The following PBX3 variants were observed in gnomAD, a reference collection of about 807,000 sequenced individuals.
PBX3 encodes PBX homeobox 3.
Under a neutral mutation model 48.5 loss-of-function variants are expected in PBX3, and 14 were observed. The ratio of observed to expected loss-of-function variants is 0.29; its 90% CI spans 0.19 to 0.45. The LOEUF is 0.45. Ranked by LOEUF, PBX3 falls within the 20% of genes least tolerant of loss-of-function variation. The pLI, the probability that PBX3 is intolerant of heterozygous loss-of-function variation, is 1.00. For missense variants in PBX3, 386 were observed against 546.7 expected, an observed-to-expected ratio of 0.71 and a Z score of 2.93; for synonymous variants, 210 against 200.3, an observed-to-expected ratio of 1.05 and a Z score of -0.41.
At chr9:125,803,844 G>A (rs1303699475) in intron 2 of PBX3, among the ~76,000 whole-genome samples, 1 of 152,196 alleles carries the variant, frequency 6.6e-6, no homozygotes, top group Non-Finnish European at 1.5e-5. Context: ...TGACCTTAGA[G>A]TGTAGTCTTA....
intron 2 of PBX3, among the ~76,000 whole-genome samples, chr9:125,768,201 G>C (rs1331626305): frequency 6.6e-6 from 1 of 152,108 alleles, no homozygotes; most frequent in Non-Finnish European, 1.5e-5. Context: ...TTTAATTTCT[G>C]CTATGTGATA....
intron 2 of PBX3, among the ~76,000 whole-genome samples, chr9:125,866,610 A>G (rs1839987493): frequency 6.6e-6 from 1 of 152,232 alleles, no homozygotes; most frequent in Non-Finnish European, 1.5e-5. Context: ...GGAATGAGAA[A>G]GGACCAGAGG....
rs556305229 is a variant in PBX3 at position 125,907,766 on chromosome 9, T to C, written c.275-7920T>C. On this transcript the variant is annotated intron_variant, in intron 2 of 8. Transcript: ENST00000373489. ...AATCCAGTATTATAACTTATTTCTC[T>C]AGGTATCTGAGGTGTAGTGGAATTA... Among the ~76,000 whole-genome samples the C allele has an allele frequency of 2.6e-5, 4 of 152,242 alleles. No homozygotes were observed. In the East Asian group the frequency reaches 7.7e-4, roughly 29 times the overall value.
intron 6 of PBX3, among the ~76,000 whole-genome samples, chr9:125,961,407 G>T (rs1301330872): frequency 6.6e-6 from 1 of 152,182 alleles, no homozygotes; most frequent in Admixed American, 6.5e-5. Flanking sequence ...TCCTCGTCCG[G>T]TACATTTTGG....
chr9:125,776,329 T>G (rs1047918106), intron 2 of PBX3, among the ~76,000 whole-genome samples: 1 of 152,226 alleles, frequency 6.6e-6, no homozygotes, highest in Non-Finnish European at 1.5e-5. Context: ...CAAATAGTTT[T>G]TTTTTTCATC....
At chr9:125,913,711 G>A (rs1755866066) in intron 2 of PBX3, among the ~76,000 whole-genome samples, 1 of 152,052 alleles carries the variant, frequency 6.6e-6, no homozygotes, top group Admixed American at 6.6e-5. Context: ...AAAGATTAAT[G>A]TGTTTAACTA....
At chr9:125,758,115 G>A (rs974056448) in intron 2 of PBX3, among the ~76,000 whole-genome samples, 2 of 152,142 alleles carry the variant, frequency 1.3e-5, no homozygotes, top group Admixed American at 1.3e-4. Flanking sequence ...ATCAAGTAGA[G>A]ATACTGAATG....
At chr9:125,949,689 C>T (rs776634090) in intron 5 of PBX3, among the ~76,000 whole-genome samples, 26 of 152,166 alleles carry the variant, frequency 1.7e-4, no homozygotes, top group Non-Finnish European at 3.1e-4. Context: ...GAAAAGAAGA[C>T]TGCAGTGGGT....
intron 2 of PBX3, among the ~76,000 whole-genome samples, chr9:125,876,118 C>T (rs988506552): frequency 6.6e-6 from 1 of 152,172 alleles, no homozygotes; most frequent in Non-Finnish European, 1.5e-5. Flanking sequence ...TGTTTTATGG[C>T]TCCCCTTTAA....
chr9:125,813,175 C>T (rs1426969838), intron 2 of PBX3, among the ~76,000 whole-genome samples: 1 of 151,650 alleles, frequency 6.6e-6, no homozygotes, highest in Non-Finnish European at 1.5e-5. Flanking sequence ...ACACATTGTA[C>T]AGCTTTACAG....
intron 2 of PBX3, among the ~76,000 whole-genome samples, chr9:125,892,265 C>G (rs184591022): frequency 5.3e-5 from 8 of 152,174 alleles, no homozygotes; most frequent in African/African-American, 1.9e-4. Flanking sequence ...AACTATGGCT[C>G]AACTTTTTTT....
chr9:125,965,695 A>G (rs1187661397), intron 8 of PBX3, 136 bp from the exon 9 acceptor site: 8 of 680,052 alleles, frequency 1.2e-5, no homozygotes, highest in Non-Finnish European at 1.9e-5. Context: ...CATGCTGCCA[A>G]CTCCTGCCAC....
At chr9:125,814,694 T>C (rs1838407197) in intron 2 of PBX3, among the ~76,000 whole-genome samples, 1 of 152,250 alleles carries the variant, frequency 6.6e-6, no homozygotes, top group Non-Finnish European at 1.5e-5. Context: ...CCATTGATCA[T>C]GCTGTATTCT....
chr9:125,783,289 AT>A (rs1837371146), intron 2 of PBX3, among the ~76,000 whole-genome samples: 1 of 151,570 alleles, frequency 6.6e-6, no homozygotes, highest in Admixed American at 6.6e-5. Flanking sequence ...TTTTCCTTCT[AT>A]TCTTTTTCTT....
In PBX3 at chr9:125,748,638, C is replaced by A. The variant is rs767694637; in HGVS notation, c.274+15C>A. The A allele has an allele frequency of 6.2e-7, 1 of 1,609,592 alleles. No individual in the cohort carries two copies. The highest frequency in any genetic ancestry group is 8.5e-7 in the Non-Finnish European group (1 of 1,177,252). ...AGAGAAAACAGGTAAGACGCTGCGC[C>A]CCGCAGTGGGCCTGGAGACCCCCGA... On this transcript the variant is annotated intron_variant, in intron 2 of 8. Coordinates refer to ENST00000373489, the MANE Select transcript of PBX3 (RefSeq NM_006195.6).
At chr9:125,842,420 A>G (rs1039614287) in intron 2 of PBX3, among the ~76,000 whole-genome samples, 4 of 152,114 alleles carry the variant, frequency 2.6e-5, no homozygotes, top group Non-Finnish European at 1.5e-5. Context: ...ACCCCTTTCC[A>G]TTCAGTCTTT....
intron 2 of PBX3, among the ~76,000 whole-genome samples, chr9:125,836,487 T>C (rs1423420926): frequency 1.3e-5 from 2 of 151,992 alleles, no homozygotes; most frequent in African/African-American, 4.8e-5. Context: ...AGAATGATGG[T>C]TGCCACAGGG....
intron 2 of PBX3, among the ~76,000 whole-genome samples, chr9:125,830,122 T>G (rs1455501580): frequency 6.6e-6 from 1 of 152,200 alleles, no homozygotes; most frequent in Non-Finnish European, 1.5e-5. Context: ...TTCAGTATAA[T>G]TTTTTATTTA....
chr9:125,943,391 A>G (rs1020394904), intron 5 of PBX3, among the ~76,000 whole-genome samples: 1 of 115,364 alleles, frequency 8.7e-6, no homozygotes, highest in Non-Finnish European at 1.7e-5. Flanking sequence ...AAAAAAAAAA[A>G]AAAAAAAAGA....
Sources: gnomAD v4.1 joint callset for allele counts (sites outside exome capture counted in the v4.1 genomes callset) on GRCh38, gnomAD v4.1.1 for gene constraint, MANE v1.5 for transcripts, NCBI Gene and HGNC (gene_info 2026-07-23, HGNC 2026-07-21) for gene names.